COMMD10: variants seen among roughly 807,000 people sequenced by gnomAD.
COMMD10 encodes COMM domain-containing protein 10.
In COMMD10, 33 loss-of-function variants were observed where a neutral mutation model predicts 28.9. The observed-to-expected ratio is 1.14, with a 90% CI of 0.87 to 1.53. The LOEUF (loss-of-function observed/expected upper bound fraction) is 1.53. COMMD10 is among the 40% of genes most tolerant of loss of function. The pLI is 0.00. For missense variants in COMMD10, 310 were observed against 233.4 expected (o/e 1.33, Z -2.14); for synonymous variants, 110 against 81.7 (o/e 1.35, Z -1.87).
At chr5:116,289,803 G>T (rs1197671448) in intron 5 of COMMD10, among the ~76,000 whole-genome samples, 1 of 151,776 alleles carries the variant, frequency 6.6e-6, no homozygotes, top group Non-Finnish European at 1.5e-5. Flanking sequence ...AATGGTGTGG[G>T]TGCTGTAGCA....
At chr5:116,210,762 G>T (rs889343854) in intron 5 of COMMD10, among the ~76,000 whole-genome samples, 2 of 151,866 alleles carry the variant, frequency 1.3e-5, no homozygotes, top group East Asian at 3.9e-4. Flanking sequence ...TTTACTATAC[G>T]ATCTTGTCCA....
At chr5:116,128,633 G>T (rs888068409) in intron 4 of COMMD10, among the ~76,000 whole-genome samples, 3 of 151,872 alleles carry the variant, frequency 2.0e-5, no homozygotes, top group Non-Finnish European at 4.4e-5. Flanking sequence ...TAATTAAATG[G>T]TATGAGATTT....
intron 5 of COMMD10, among the ~76,000 whole-genome samples, chr5:116,272,039 C>G (rs919167466): frequency 1.3e-5 from 2 of 151,576 alleles, no homozygotes; most frequent in Non-Finnish European, 2.9e-5. Context: ...GAGGGTACTT[C>G]AAAAAGGTCA....
At chr5:116,225,676 A>C (rs974914674) in intron 5 of COMMD10, among the ~76,000 whole-genome samples, 3 of 152,096 alleles carry the variant, frequency 2.0e-5, no homozygotes, top group Non-Finnish European at 4.4e-5. Context: ...CCTAATTGAC[A>C]GTAGCCATGC....
chr5:116,160,743 A>G (rs1176970973), intron 5 of COMMD10, among the ~76,000 whole-genome samples: 1 of 152,284 alleles, frequency 6.6e-6, no homozygotes, highest in South Asian at 2.1e-4. Context: ...AAATTTCAGA[A>G]ATCTCATGGC....
chr5:116,260,149 T>C (rs1429820146), intron 5 of COMMD10, among the ~76,000 whole-genome samples: 2 of 151,840 alleles, frequency 1.3e-5, no homozygotes, highest in East Asian at 3.9e-4. Context: ...TAAAGTAAAA[T>C]GGAAAAATAC....
At chr5:116,097,550 C>T (rs1470737843) in intron 4 of COMMD10, among the ~76,000 whole-genome samples, 4 of 152,180 alleles carry the variant, frequency 2.6e-5, no homozygotes, top group African/African-American at 4.8e-5. Flanking sequence ...AATTTTTCTG[C>T]GTCAGGCATT....
chr5:116,159,768 A>C (rs1752857176), intron 5 of COMMD10, among the ~76,000 whole-genome samples: 1 of 152,228 alleles, frequency 6.6e-6, no homozygotes. Context: ...TCTTTGAATT[A>C]GGCCTTAAAA....
At position 116,149,101 on chromosome 5, in the gene COMMD10, C is replaced by T. The variant is rs191234344; in HGVS notation, c.510+14923C>T. 5.6e-3 allele frequency among the ~76,000 whole-genome samples: 827 copies of T among 147,460 alleles called. 7 individuals are homozygous for T. Among genetic ancestry groups the T allele is most frequent in the Non-Finnish European group, 7.1e-3 (477 of 67,256 alleles). On this transcript the variant is annotated intron_variant, in intron 5 of 6. Coordinates refer to ENST00000274458, the MANE Select transcript of COMMD10 (RefSeq NM_016144.4). ...CCACCTATGACATAGTGAGAATATG[C>T]GGTGTTTGGTTTTTTGTTCTTGCGA...
intron 5 of COMMD10, among the ~76,000 whole-genome samples, chr5:116,226,129 TA>T (rs1749388565): frequency 6.6e-6 from 1 of 152,120 alleles, no homozygotes. Context: ...GTTTTCAAAA[TA>T]AAACTCTCTT....
At chr5:116,241,179 G>A (rs555254760) in intron 5 of COMMD10, among the ~76,000 whole-genome samples, 1 of 152,086 alleles carries the variant, frequency 6.6e-6, no homozygotes, top group African/African-American at 2.4e-5. Context: ...ATGAAGTTGA[G>A]TATCATCTTT....
chr5:116,169,120 A>G (rs1753233932), intron 5 of COMMD10, among the ~76,000 whole-genome samples: 1 of 152,182 alleles, frequency 6.6e-6, no homozygotes, highest in South Asian at 2.1e-4. Context: ...TAAAGAAGAA[A>G]AGAGAGAAGA....
intron 5 of COMMD10, among the ~76,000 whole-genome samples, chr5:116,288,420 G>A (rs1751277657): frequency 6.6e-6 from 1 of 151,666 alleles, no homozygotes; most frequent in Non-Finnish European, 1.5e-5. Flanking sequence ...TTCTTAGTAT[G>A]GTTATCTTTG....
At chr5:116,122,623 C>T (rs372032472) in intron 4 of COMMD10, among the ~76,000 whole-genome samples, 5 of 151,964 alleles carry the variant, frequency 3.3e-5, no homozygotes, top group African/African-American at 4.8e-5. Flanking sequence ...GCATGGAATG[C>T]TCTTCCATTT....
chr5:116,227,318 T>C (rs1186267455), intron 5 of COMMD10, among the ~76,000 whole-genome samples: 1 of 152,072 alleles, frequency 6.6e-6, no homozygotes, highest in African/African-American at 2.4e-5. Flanking sequence ...ACATTATTCT[T>C]ACCAATAATT....
chr5:116,223,414 C>A (rs1749316168), intron 5 of COMMD10, among the ~76,000 whole-genome samples: 1 of 152,038 alleles, frequency 6.6e-6, no homozygotes, highest in Admixed American at 6.5e-5. Context: ...GTTTATTTAA[C>A]AAATATTTAC....
At chr5:116,232,192 T>G (rs1749545391) in intron 5 of COMMD10, among the ~76,000 whole-genome samples, 1 of 152,288 alleles carries the variant, frequency 6.6e-6, no homozygotes, top group South Asian at 2.1e-4. Context: ...GGTTTATTGT[T>G]TATCCAGCCA....
chr5:116,215,705 T>C, intron 5 of COMMD10, among the ~76,000 whole-genome samples: 1 of 70,806 alleles, frequency 1.4e-5, no homozygotes, highest in South Asian at 3.2e-4. Flanking sequence ...AATATATATA[T>C]ATATATATAT....
At chr5:116,186,775 C>G (rs1394068954) in intron 5 of COMMD10, among the ~76,000 whole-genome samples, 1 of 152,144 alleles carries the variant, frequency 6.6e-6, no homozygotes, top group East Asian at 1.9e-4. Flanking sequence ...TTCAGTGCAT[C>G]AGTTGTGTCC....
Sources: gnomAD v4.1 joint callset for allele counts (sites outside exome capture counted in the v4.1 genomes callset) on GRCh38, gnomAD v4.1.1 for gene constraint, MANE v1.5 for transcripts, NCBI Gene and HGNC (gene_info 2026-07-23, HGNC 2026-07-21) for gene names.